The following SORD variants were observed in gnomAD, a reference collection of about 807,000 sequenced individuals.
SORD encodes the protein sorbitol dehydrogenase.
In SORD, 18 loss-of-function variants were observed where a neutral mutation model predicts 35.6. The ratio of observed to expected loss-of-function variants is 0.51; its 90% CI spans 0.35 to 0.75. SORD has a LOEUF of 0.75. SORD is among the 30% of genes least tolerant of loss of function. SORD has a pLI of 0.01. For synonymous variants in SORD, 106 were observed against 152.9 expected, an observed-to-expected ratio of 0.69 and a Z score of 2.26; for missense variants, 250 against 390.2, an observed-to-expected ratio of 0.64 and a Z score of 3.03.
In SORD at chr15:45,023,293, G is replaced by A. The variant is rs772260920; in HGVS notation, c.10G>A (p.Ala4Thr). MAA[A>T]AKPNNLSLVV... ...GAGCCAAAAGAGCTCCATGGCGGCG[G>A]CGGCCAAGCCCAACAACCTTTCCCT... is the stretch of plus-strand genomic sequence containing the variant. Residue 4 changes from alanine (A) to threonine (T), a missense_variant, in exon 1 of 9, where the codon GCG becomes ACG. By Grantham distance (58) the Ala-to-Thr change is moderately conservative (BLOSUM62 0). This residue lies in a region of SORD where 43 missense variants were observed against 30.6 expected (regional missense o/e 1.40). Coordinates refer to ENST00000267814, the MANE Select transcript of SORD (RefSeq NM_003104.6). 2 of 1,585,980 alleles carry A rather than the reference G, an allele frequency of 1.3e-6. No homozygotes were observed. Among genetic ancestry groups the A allele is most frequent in the East Asian group, 4.7e-5 (2 of 42,386 alleles).
intron 3 of SORD, 57 bp from the exon 4 acceptor site, chr15:45,061,010 G>A (rs1466207028): frequency 1.2e-6 from 2 of 1,610,232 alleles, no homozygotes; most frequent in East Asian, 4.5e-5. Flanking sequence ...AGACCAAAGA[G>A]CGGGCAGACT....
chr15:45,070,355 C>G (rs1471679993), intron 7 of SORD: 1 of 152,190 alleles, frequency 6.6e-6, no homozygotes, highest in Admixed American at 6.5e-5. Context: ...CCTTCTGAGG[C>G]TCACAGCAGG....
chr15:45,065,871 G>A (rs923492695), intron 5 of SORD, among the ~76,000 whole-genome samples: 3 of 152,126 alleles, frequency 2.0e-5, no homozygotes, highest in African/African-American at 7.2e-5. Context: ...AGCGAGCCAT[G>A]ATTGTGCCAC....
In SORD at chr15:45,025,254, A is replaced by C. The variant is rs537897233; in HGVS notation, c.66+1905A>C. Reference sequence around the variant, plus strand: ...CAGAGGAGGATTTAGGAAAACACCTAGGCTCAGTTTGAGAATGGGAAGTGG... The same window carrying C: ...CAGAGGAGGATTTAGGAAAACACCTCGGCTCAGTTTGAGAATGGGAAGTGG... On this transcript the variant is annotated intron_variant, in intron 1 of 8. Coordinates refer to ENST00000267814, the MANE Select transcript of SORD (RefSeq NM_003104.6). 2.6e-5 allele frequency among the ~76,000 whole-genome samples: 4 copies of C among 152,304 alleles called. No individual in the cohort carries two copies. In the East Asian group the frequency reaches 7.7e-4, roughly 29 times the overall value.
chr15:45,073,485 G>T lies in SORD; in HGVS notation c.1029G>T (p.Gly343=). The T allele has an allele frequency of 1.3e-6, 2 of 1,540,964 alleles. No homozygotes were observed. The highest frequency in any genetic ancestry group is 1.7e-6 in the Non-Finnish European group (2 of 1,157,216). Reference sequence around the variant, plus strand: ...TTGAAACATTTAAAAAGGGATTGGGGTTGAAAATCATGCTCAAGTGTGACC... The same window carrying T: ...TTGAAACATTTAAAAAGGGATTGGGTTTGAAAATCATGCTCAAGTGTGACC... ...EAFETFKKGL[G]LKIMLKCDPS... is the part of the protein sequence containing the mutation. The change falls in exon 9 of 9, where the codon GGG becomes GGT. Residue 343 remains glycine, a synonymous_variant. Coordinates refer to ENST00000267814, the MANE Select transcript of SORD (RefSeq NM_003104.6).
At chr15:45,025,621 T>C (rs1298775299) in intron 1 of SORD, among the ~76,000 whole-genome samples, 1 of 131,534 alleles carries the variant, frequency 7.6e-6, no homozygotes, top group Non-Finnish European at 1.6e-5. Flanking sequence ...AGCAAAACTA[T>C]GTCAAAAAAA....
At chr15:45,037,833 G>A (rs562640996) in intron 1 of SORD, among the ~76,000 whole-genome samples, 11 of 152,114 alleles carry the variant, frequency 7.2e-5, no homozygotes, top group African/African-American at 2.7e-4. Flanking sequence ...GAGGGCATTA[G>A]GACAAATACC....
At position 45,065,184 on chromosome 15, in the gene SORD, T is replaced by C. The variant is rs527387371; in HGVS notation, c.426-87T>C. Reference sequence around the variant, plus strand: ...GCTCGATAAATGCTAGCTATGGTTGTTATTACAGTGACATTGGGCATATAT... The same window carrying C: ...GCTCGATAAATGCTAGCTATGGTTGCTATTACAGTGACATTGGGCATATAT... On this transcript the variant is annotated intron_variant, in intron 4 of 8. Coordinates refer to ENST00000267814, the MANE Select transcript of SORD (RefSeq NM_003104.6). The C allele has an allele frequency of 2.1e-4, 262 of 1,224,682 alleles. No individual in the cohort carries two copies. The African/African-American group carries it at 3.7e-3, about 17-fold the overall frequency. The allele number at this position is 1,224,682 out of a possible 1,614,324, so 75.9% of individuals were successfully genotyped here.
chr15:45,023,230 A>AGC lies in SORD; in HGVS notation c.-52_-51dup. ...ACCCTCGGCTGGGTAGCGCCACCAG[A>AGC]GCGACCAAACGTCCCGCGCCTTCCA... On this transcript the variant is annotated 5_prime_UTR_variant, in exon 1 of 9. Transcript: ENST00000267814. 1 of 1,459,558 alleles carries AGC rather than the reference A, an allele frequency of 6.9e-7. No homozygotes were observed. Among genetic ancestry groups the AGC allele is most frequent in the Non-Finnish European group, 9.1e-7 (1 of 1,093,898 alleles). The allele number at this position is 1,459,558 out of a possible 1,614,324, so 90.4% of individuals were successfully genotyped here. A position where few individuals can be genotyped will look rare whatever the true frequency, so the allele number is the denominator to read the frequency against.
intron 7 of SORD, among the ~76,000 whole-genome samples, chr15:45,069,349 G>C (rs1893471629): frequency 6.6e-6 from 1 of 151,574 alleles, no homozygotes; most frequent in African/African-American, 2.4e-5. Context: ...TGGGACTACG[G>C]GCGCCTGCCA....
At chr15:45,060,023 G>A (rs1893277262) in intron 3 of SORD, among the ~76,000 whole-genome samples, 1 of 152,198 alleles carries the variant, frequency 6.6e-6, no homozygotes, top group South Asian at 2.1e-4. Flanking sequence ...TGAGGTAGTG[G>A]TAGTGTTCTG....
At chr15:45,058,004 T>C (rs1893245123) in intron 3 of SORD, among the ~76,000 whole-genome samples, 1 of 152,200 alleles carries the variant, frequency 6.6e-6, no homozygotes, top group Non-Finnish European at 1.5e-5. Context: ...CAGCAATTCT[T>C]TGAGTTACTT....
intron 3 of SORD, among the ~76,000 whole-genome samples, chr15:45,048,332 C>T (rs1018429936): frequency 6.6e-5 from 10 of 152,158 alleles, no homozygotes; most frequent in Admixed American, 4.6e-4. Flanking sequence ...CAACAGTAGA[C>T]ACTATGGAAA....
chr15:45,067,097 C>T (rs1280834639), intron 5 of SORD, among the ~76,000 whole-genome samples: 1 of 152,172 alleles, frequency 6.6e-6, no homozygotes, highest in Non-Finnish European at 1.5e-5. Context: ...CATGGTGGCT[C>T]ATGCCTGTAA....
intron 1 of SORD, among the ~76,000 whole-genome samples, chr15:45,027,784 A>C (rs11632215): frequency 0.27 from 40,397 of 151,158 alleles, 4,551 homozygotes; most frequent in African/African-American, 0.54. Context: ...ATTAGTTTTT[A>C]CCCCATAGAA....
At chr15:45,044,289 A>G (rs1020798229) in intron 3 of SORD, among the ~76,000 whole-genome samples, 3 of 152,164 alleles carry the variant, frequency 2.0e-5, no homozygotes, top group African/African-American at 7.2e-5. Context: ...ACTATAAATT[A>G]TAACAAAGAG....
intron 3 of SORD, among the ~76,000 whole-genome samples, chr15:45,056,357 G>A (rs1893216063): frequency 6.6e-6 from 1 of 152,050 alleles, no homozygotes. Flanking sequence ...CAGACAGAGA[G>A]CCAAATCATG....
At chr15:45,023,836 G>A (rs1230714696) in intron 1 of SORD, among the ~76,000 whole-genome samples, 3 of 152,166 alleles carry the variant, frequency 2.0e-5, no homozygotes, top group Admixed American at 6.5e-5. Flanking sequence ...GATCACAAGA[G>A]TACTCAGCAC....
chr15:45,059,266 G>A (rs1893264040), intron 3 of SORD, among the ~76,000 whole-genome samples: 1 of 151,942 alleles, frequency 6.6e-6, no homozygotes, highest in South Asian at 2.1e-4. Context: ...GGGAGGTTGA[G>A]GCTACAGTGA....
Sources: allele counts gnomAD v4.1 joint callset (sites outside exome capture counted in the v4.1 genomes callset), GRCh38; gene constraint gnomAD v4.1.1; regional missense constraint gnomAD v4.1.1; transcripts MANE v1.5; gene names NCBI Gene and HGNC (gene_info 2026-07-23, HGNC 2026-07-21).